Variants in APBA2 observed in about 807,000 individuals in gnomAD.
APBA2 encodes the protein amyloid-beta A4 precursor protein-binding family A member 2.
In APBA2, 30 loss-of-function variants were observed where a neutral mutation model predicts 75.0. That is an observed-to-expected ratio of 0.40 (90% CI 0.30 to 0.54). The LOEUF (loss-of-function observed/expected upper bound fraction) is 0.54, where lower values mean the gene tolerates loss of function less well. Ranked by LOEUF, APBA2 falls within the 20% of genes least tolerant of loss-of-function variation. The pLI is 0.49. For missense variants in APBA2, 801 were observed against 1,016.1 expected (o/e 0.79, Z 2.88); for synonymous variants, 444 against 409.6 (o/e 1.08, Z -1.01).
intron 1 of APBA2, among the ~76,000 whole-genome samples, chr15:28,890,376 T>A (rs1239867873): frequency 6.6e-6 from 1 of 152,240 alleles, no homozygotes; most frequent in Non-Finnish European, 1.5e-5. Context: ...TGTGTCTCCC[T>A]GCAGTCACCT....
chr15:29,105,657 T>G, intron 11 of APBA2, 99 bp downstream of exon 11: 1 of 1,347,520 alleles, frequency 7.4e-7, no homozygotes, highest in Non-Finnish European at 1.0e-6. Flanking sequence ...ACGCACACCC[T>G]TGCCTTCCTA....
chr15:28,962,059 G>T (rs971688925), intron 2 of APBA2, among the ~76,000 whole-genome samples: 2 of 152,050 alleles, frequency 1.3e-5, no homozygotes, highest in Non-Finnish European at 2.9e-5. Context: ...TCCAAAGGTG[G>T]TTTTTTAAAA....
intron 3 of APBA2, among the ~76,000 whole-genome samples, chr15:29,030,087 C>T (rs188167329): frequency 5.9e-5 from 9 of 152,280 alleles, no homozygotes; most frequent in Admixed American, 2.6e-4. Context: ...TGGCCTGAGC[C>T]GGGAACTGCG....
Position 29,054,349 on chromosome 15 carries a change from A to G in APBA2, c.465A>G (p.Glu155=). Reference sequence around the variant, plus strand: ...CGCACCCCCACGGCCACGAGGCTGAAGGCAGCCAGGACTACCCAGACGGCC... The same window carrying G: ...CGCACCCCCACGGCCACGAGGCTGAGGGCAGCCAGGACTACCCAGACGGCC... ...AGPHPHGHEA[E]GSQDYPDGQL... is the part of the protein sequence containing the mutation. The change falls in exon 4 of 15, where the codon GAA becomes GAG. Residue 155 remains glutamate, a synonymous_variant. Coordinates refer to ENST00000683413, the MANE Select transcript of APBA2 (RefSeq NM_001353788.2). The surrounding 1 kb of genome is among the most constrained non-coding windows in gnomAD (Gnocchi z 6.1). The G allele has an allele frequency of 1.2e-6, 2 of 1,614,072 alleles. No homozygotes were observed. The highest frequency in any genetic ancestry group is 1.7e-6 in the Non-Finnish European group (2 of 1,180,022).
chr15:28,916,285 C>T (rs1208473770), intron 1 of APBA2, among the ~76,000 whole-genome samples: 4 of 152,156 alleles, frequency 2.6e-5, no homozygotes, highest in Non-Finnish European at 4.4e-5. Flanking sequence ...AGTGGCGGCC[C>T]GTTTGGGAAG....
intron 2 of APBA2, among the ~76,000 whole-genome samples, chr15:28,941,885 T>C (rs2035252969): frequency 6.6e-6 from 1 of 152,174 alleles, no homozygotes. Context: ...GCCTCCCGAG[T>C]AGCTGGGACT....
chr15:29,033,788 C>T (rs551529730), intron 3 of APBA2, among the ~76,000 whole-genome samples: 6 of 151,816 alleles, frequency 4.0e-5, no homozygotes, highest in South Asian at 4.2e-4. Flanking sequence ...GGTGAAACCC[C>T]GTCTCTACTA....
rs1323871007 is a variant in APBA2 at position 29,076,088 on chromosome 15, G to A, written c.1066G>A (p.Ala356Thr). The change falls in exon 6 of 15, where the codon GCT becomes ACT. Residue 356 changes from alanine to threonine, a missense_variant. Around this residue, in one of 2 missense-constraint regions of APBA2, gnomAD observed 367 missense variants for 544.5 expected, o/e 0.67. Coordinates refer to ENST00000683413, the MANE Select transcript of APBA2 (RefSeq NM_001353788.2). ...GGTGGCATCATTTCCAAGTTTTGTG[G>A]CTGGTAAGTGACTTTGAATTTTATT... Reference protein sequence around the residue: ...KKVASFPSFVAVPGPCEPEDL... With the variant: ...KKVASFPSFVTVPGPCEPEDL... 6.2e-7 allele frequency: 1 copy of A among 1,614,074 alleles called. No individual in the cohort carries two copies. The highest frequency in any genetic ancestry group is 1.1e-5 in the South Asian group (1 of 91,080).
chr15:28,894,336 G>A (rs1044910653), intron 1 of APBA2, among the ~76,000 whole-genome samples: 2 of 152,220 alleles, frequency 1.3e-5, no homozygotes, highest in African/African-American at 4.8e-5. Context: ...GAGCTGGGTG[G>A]GATCAGGAGG....
chr15:28,937,175 G>A (rs2152697786), intron 2 of APBA2, among the ~76,000 whole-genome samples: 1 of 152,108 alleles, frequency 6.6e-6, no homozygotes, highest in East Asian at 1.9e-4. Context: ...ACCGGGGACA[G>A]TGTGCTGCCA....
intron 4 of APBA2, among the ~76,000 whole-genome samples, chr15:29,056,582 C>T (rs1595854726): frequency 1.1e-3 from 1 of 938 alleles, no homozygotes; most frequent in Admixed American, 7.8e-3. Flanking sequence ...CCCTTCCTCC[C>T]TCCCTCCCTC....
chr15:28,980,102 G>T (rs1395008478), intron 2 of APBA2, among the ~76,000 whole-genome samples: 1 of 152,168 alleles, frequency 6.6e-6, no homozygotes, highest in Admixed American at 6.5e-5. Flanking sequence ...CTAAACACTT[G>T]GTAGATTCAG....
At chr15:29,068,164 G>T (rs1218714868) in intron 4 of APBA2, among the ~76,000 whole-genome samples, 3 of 152,222 alleles carry the variant, frequency 2.0e-5, no homozygotes, top group African/African-American at 4.8e-5. Flanking sequence ...CCTTCTGGGA[G>T]AACTGCAAGC....
intron 1 of APBA2, among the ~76,000 whole-genome samples, chr15:28,893,274 TGCTACAGTAAA>T (rs2032254464): frequency 6.6e-6 from 1 of 152,242 alleles, no homozygotes; most frequent in Non-Finnish European, 1.5e-5. Context: ...GCAACTGTTC[TGCTACAGTAAA>T]GCACTCAGTC....
intron 2 of APBA2, chr15:28,977,079 A>C (rs1276663294): frequency 6.6e-6 from 1 of 152,166 alleles, no homozygotes; most frequent in Non-Finnish European, 1.5e-5. Flanking sequence ...CTTTCTTGTG[A>C]GTATGTGAGC....
intron 1 of APBA2, among the ~76,000 whole-genome samples, chr15:28,914,721 C>G: frequency 6.6e-6 from 1 of 152,126 alleles, no homozygotes; most frequent in Middle Eastern, 3.4e-3. Context: ...CTGATCAGCC[C>G]CTTTGTGAGA....
chr15:29,027,995 T>TA (rs2040309189), intron 3 of APBA2, among the ~76,000 whole-genome samples: 3 of 152,072 alleles, frequency 2.0e-5, no homozygotes, highest in Admixed American at 2.0e-4. Context: ...TTTTTTTTTT[T>TA]AATTTAATTT....
intron 2 of APBA2, among the ~76,000 whole-genome samples, chr15:28,979,316 C>T (rs964955066): frequency 3.9e-5 from 6 of 152,226 alleles, no homozygotes; most frequent in African/African-American, 9.6e-5. Context: ...TCCCGGGTCC[C>T]GGTCCACTCC....
rs1254901727 is a variant in APBA2 at position 29,054,418 on chromosome 15, T to A, written c.534T>A (p.His178Gln). The stretch of plus-strand genomic sequence containing the variant: ...ATGAGCCCTCCGTCCTTGAGGCCCA[T>A]GACCAGGAAGAAGATGGTCACTACT... ...PEDEPSVLEA[H>Q]DQEEDGHYCA... Residue 178 changes from histidine to glutamine, a missense_variant, in exon 4 of 15, where the codon CAT (histidine) becomes CAA (glutamine). Physicochemically the swap from His to Gln is conservative, Grantham distance 24. This residue lies in a region of APBA2 where 434 missense variants were observed against 471.6 expected (regional missense o/e 0.92). Transcript: ENST00000683413. The surrounding 1 kb of genome is among the most constrained non-coding windows in gnomAD (Gnocchi z 6.1). 6.2e-7 allele frequency: 1 copy of A among 1,614,090 alleles called. No individual in the cohort carries two copies. The highest frequency in any genetic ancestry group is 2.2e-5 in the East Asian group (1 of 44,852).
Sources: allele counts gnomAD v4.1 joint callset (sites outside exome capture counted in the v4.1 genomes callset), GRCh38; gene constraint gnomAD v4.1.1; regional missense constraint gnomAD v4.1.1; non-coding constraint Gnocchi (gnomAD v3.1); transcripts MANE v1.5; gene names NCBI Gene and HGNC (gene_info 2026-07-23, HGNC 2026-07-21).